The following SLC25A26 variants were observed in gnomAD, a reference collection of about 807,000 sequenced individuals.
SLC25A26 encodes the protein mitochondrial S-adenosylmethionine carrier protein.
SLC25A26 carries 36 observed loss-of-function variants against 37.8 expected under a neutral mutation model. The observed-to-expected ratio is 0.95, with a 90% CI of 0.73 to 1.26. The LOEUF is 1.26. SLC25A26 is among the 50% of genes most tolerant of loss of function. The pLI is 0.00. For synonymous variants in SLC25A26, 129 were observed against 122.5 expected (o/e 1.05, Z -0.35); for missense variants, 390 against 331.1 (o/e 1.18, Z -1.38).
At chr3:66,137,535 A>G (rs577971834) in intron 1 of SLC25A26, among the ~76,000 whole-genome samples, 1 of 152,052 alleles carries the variant, frequency 6.6e-6, no homozygotes, top group Admixed American at 6.6e-5. Flanking sequence ...GCCCCACACT[A>G]TGATCTTGAA....
chr3:66,319,666 A>C (rs571505522), intron 5 of SLC25A26, among the ~76,000 whole-genome samples: 1 of 152,140 alleles, frequency 6.6e-6, no homozygotes, highest in Non-Finnish European at 1.5e-5. Flanking sequence ...ACTGTAGACA[A>C]AACAAAAAAA....
chr3:66,328,245 C>G (rs1432079124), intron 5 of SLC25A26, among the ~76,000 whole-genome samples: 1 of 152,090 alleles, frequency 6.6e-6, no homozygotes, highest in Non-Finnish European at 1.5e-5. Context: ...TATCAAGATG[C>G]AAATTCAAAG....
intron 3 of SLC25A26, among the ~76,000 whole-genome samples, chr3:66,248,573 A>C (rs1178437481): frequency 6.6e-6 from 1 of 152,210 alleles, no homozygotes; most frequent in East Asian, 1.9e-4. Flanking sequence ...TCATATTGTC[A>C]GAAATGAAAA....
chr3:66,374,941 A>C (rs1700561256), intron 9 of SLC25A26, among the ~76,000 whole-genome samples: 1 of 152,218 alleles, frequency 6.6e-6, no homozygotes, highest in Non-Finnish European at 1.5e-5. Flanking sequence ...TGAGGAAGGC[A>C]TGTGGAAAGC....
At chr3:66,198,518 T>C (rs2071073471) in intron 1 of SLC25A26, among the ~76,000 whole-genome samples, 1 of 151,928 alleles carries the variant, frequency 6.6e-6, no homozygotes, top group South Asian at 2.1e-4. Context: ...CACCTGACCC[T>C]GATGCTCACC....
intron 5 of SLC25A26, among the ~76,000 whole-genome samples, chr3:66,265,525 T>A (rs2073710879): frequency 6.6e-6 from 1 of 152,196 alleles, no homozygotes; most frequent in African/African-American, 2.4e-5. Flanking sequence ...TATTTGGAGG[T>A]TCTGGTATAC....
intron 1 of SLC25A26, among the ~76,000 whole-genome samples, chr3:66,170,559 C>G (rs940805938): frequency 1.3e-5 from 2 of 152,102 alleles, no homozygotes; most frequent in African/African-American, 4.8e-5. Context: ...ATACAATCCT[C>G]CTAAGAATGT....
chr3:66,296,430 T>TA (rs1396040874), intron 5 of SLC25A26, among the ~76,000 whole-genome samples: 1 of 152,226 alleles, frequency 6.6e-6, no homozygotes, highest in Non-Finnish European at 1.5e-5. Context: ...GCTTTATTTT[T>TA]AAAAATAAAC....
At chr3:66,312,718 A>G (rs2075416955) in intron 5 of SLC25A26, among the ~76,000 whole-genome samples, 1 of 152,082 alleles carries the variant, frequency 6.6e-6, no homozygotes, top group African/African-American at 2.4e-5. Context: ...ATTCCTCATG[A>G]CACAGTCCCT....
rs1328045580 is a variant in SLC25A26 at position 66,150,654 on chromosome 3, A to G, written c.-354+16670A>G. Among the ~76,000 whole-genome samples the G allele has an allele frequency of 1.3e-4, 11 of 83,542 alleles. No individual in the cohort carries two copies. In the South Asian group the frequency reaches 4.5e-3, roughly 35 times the overall value. The allele number at this position is 83,542 out of a possible 152,430, so 54.8% of individuals were successfully genotyped here. A position where few individuals can be genotyped will look rare whatever the true frequency, so the allele number is the denominator to read the frequency against. On this transcript the variant is annotated intron_variant, in intron 1 of 10. Coordinates refer to the SLC25A26 transcript ENST00000676754. ...TATATATATATATATATATATATATATCATGGCACTTGGAGGAGCAGTAAT... is the reference window on the plus strand; with the variant it reads ...TATATATATATATATATATATATATGTCATGGCACTTGGAGGAGCAGTAAT...
intron 5 of SLC25A26, among the ~76,000 whole-genome samples, chr3:66,289,312 A>C (rs1260754436): frequency 1.3e-5 from 2 of 152,120 alleles, no homozygotes; most frequent in Non-Finnish European, 2.9e-5. Context: ...TGCTGTGCAG[A>C]AGCTCTTTAG....
chr3:66,281,948 G>T (rs573274129), intron 5 of SLC25A26, among the ~76,000 whole-genome samples: 2 of 146,160 alleles, frequency 1.4e-5, no homozygotes, highest in Admixed American at 1.4e-4. Context: ...TCAGCCTCCC[G>T]AGTAACTGGG....
intron 5 of SLC25A26, among the ~76,000 whole-genome samples, chr3:66,280,365 A>G (rs965411924): frequency 1.3e-5 from 2 of 152,158 alleles, no homozygotes; most frequent in Non-Finnish European, 2.9e-5. Context: ...CCAACTGAGT[A>G]ATTGGAAAGT....
Position 66,377,712 on chromosome 3 carries a change from C to G in SLC25A26, c.730C>G (p.Arg244Gly). The stretch of plus-strand genomic sequence containing the variant: ...TAGATTATTTGCAGGTGTCTTCCCT[C>G]GAATGGCAGCCATCAGTCTGGGAGG... Reference protein sequence around the residue: ...LAGLFAGVFPRMAAISLGGFI... With the variant: ...LAGLFAGVFPGMAAISLGGFI... Residue 244 changes from arginine (R) to glycine (G), a missense_variant, in exon 10 of 10, where the codon CGA becomes GGA. Arg to Gly is a moderately radical substitution (Grantham distance 125). Transcript: ENST00000354883. 1 of 1,613,678 alleles carries G rather than the reference C, an allele frequency of 6.2e-7. No individual in the cohort carries two copies.
chr3:66,326,342 G>C (rs1429803443), intron 5 of SLC25A26, among the ~76,000 whole-genome samples: 1 of 152,222 alleles, frequency 6.6e-6, no homozygotes, highest in Admixed American at 6.5e-5. Flanking sequence ...AGGGGGAAAT[G>C]TCCCTGCAAA....
chr3:66,260,544 G>A (rs2073485370), intron 3 of SLC25A26, among the ~76,000 whole-genome samples: 4 of 152,098 alleles, frequency 2.6e-5, no homozygotes, highest in East Asian at 3.9e-4. Context: ...GTAATGCATC[G>A]GTATGAAGCA....
intron 5 of SLC25A26, among the ~76,000 whole-genome samples, chr3:66,343,679 T>C (rs2076257846): frequency 6.6e-6 from 1 of 152,236 alleles, no homozygotes; most frequent in Non-Finnish European, 1.5e-5. Context: ...GAGAAATGAA[T>C]GATGCCAATG....
At chr3:66,171,829 A>G (rs941926848) in intron 1 of SLC25A26, among the ~76,000 whole-genome samples, 3 of 152,196 alleles carry the variant, frequency 2.0e-5, no homozygotes, top group African/African-American at 7.2e-5. Flanking sequence ...ATGTTTGTAG[A>G]GCAGCTTACT....
At chr3:66,175,257 C>G (rs1267857609) in intron 1 of SLC25A26, among the ~76,000 whole-genome samples, 1 of 151,638 alleles carries the variant, frequency 6.6e-6, no homozygotes, top group Non-Finnish European at 1.5e-5. Flanking sequence ...TGGAGTCTTG[C>G]TGTGTCACCT....
Sources: gnomAD v4.1 joint callset for allele counts (sites outside exome capture counted in the v4.1 genomes callset) on GRCh38, gnomAD v4.1.1 for gene constraint, MANE v1.5 for transcripts, NCBI Gene and HGNC (gene_info 2026-07-23, HGNC 2026-07-21) for gene names.